The following TBC1D1 variants were observed in gnomAD, a reference collection of about 807,000 sequenced individuals.
TBC1D1 encodes TBC1 (tre-2/USP6, BUB2, cdc16) domain family, member 1.
In TBC1D1, 89 loss-of-function variants were observed where a neutral mutation model predicts 125.6. The ratio of observed to expected loss-of-function variants is 0.71; its 90% CI spans 0.60 to 0.85. TBC1D1 has a LOEUF of 0.85. Among genes scored for constraint, TBC1D1 ranks in the 40% least tolerant of loss-of-function variants. The pLI is 0.00. For synonymous variants in TBC1D1, 565 were observed against 564.1 expected (o/e 1.00, Z -0.02); for missense variants, 1,377 against 1,469.2 (o/e 0.94, Z 1.03).
intron 2 of TBC1D1, among the ~76,000 whole-genome samples, chr4:37,935,189 C>T (rs952634821): frequency 6.6e-6 from 1 of 152,204 alleles, no homozygotes; most frequent in African/African-American, 2.4e-5. Context: ...TAGTCCGCCA[C>T]ATGATTGCAC....
At chr4:38,053,424 G>A (rs1302941296) in intron 11 of TBC1D1, among the ~76,000 whole-genome samples, 199 bp downstream of exon 13, 2 of 152,146 alleles carry the variant, frequency 1.3e-5, no homozygotes, top group Admixed American at 6.5e-5. Flanking sequence ...TAGTTTTGAC[G>A]AGGATTAGTT....
chr4:37,903,157 C>T (rs771335704), intron 2 of TBC1D1, among the ~76,000 whole-genome samples: 6 of 151,862 alleles, frequency 4.0e-5, no homozygotes, highest in East Asian at 1.9e-4. Context: ...TTTTTTCTTT[C>T]GCAAACCTCA....
At chr4:38,074,635 C>G (rs1302615880) in intron 12 of TBC1D1, among the ~76,000 whole-genome samples, 1 of 152,176 alleles carries the variant, frequency 6.6e-6, no homozygotes, top group Non-Finnish European at 1.5e-5. Context: ...TCCCCTGTTT[C>G]TGTCTTGGGG....
intron 2 of TBC1D1, among the ~76,000 whole-genome samples, chr4:37,988,468 AG>A (rs969788103): frequency 6.6e-6 from 1 of 152,212 alleles, no homozygotes; most frequent in South Asian, 2.1e-4. Flanking sequence ...CATCCATTAA[AG>A]GGGGGATGAT....
intron 2 of TBC1D1, among the ~76,000 whole-genome samples, chr4:37,907,058 T>C (rs1717500725): frequency 6.6e-6 from 1 of 152,278 alleles, no homozygotes; most frequent in African/African-American, 2.4e-5. Context: ...AAAAAATATT[T>C]AGTAATAAGA....
intron 6 of TBC1D1, among the ~76,000 whole-genome samples, chr4:38,024,920 A>G (rs76728094): frequency 0.1 from 15,627 of 152,266 alleles, 994 homozygotes; most frequent in Non-Finnish European, 0.14. Context: ...CCCAGAATCT[A>G]TAAGATAGAA....
At chr4:37,945,672 C>G (rs1260061883) in intron 2 of TBC1D1, among the ~76,000 whole-genome samples, 3 of 151,702 alleles carry the variant, frequency 2.0e-5, no homozygotes, top group South Asian at 4.2e-4. Context: ...CTGCAGTATT[C>G]ATACACAGAA....
chr4:37,986,689 G>T (rs1267648946), intron 2 of TBC1D1, among the ~76,000 whole-genome samples: 1 of 152,074 alleles, frequency 6.6e-6, no homozygotes, highest in Non-Finnish European at 1.5e-5. Flanking sequence ...CAAGTGATCT[G>T]CCTGCCTCAA....
chr4:38,050,706 C>T (rs546721178), intron 11 of TBC1D1, among the ~76,000 whole-genome samples: 3 of 152,302 alleles, frequency 2.0e-5, no homozygotes, highest in South Asian at 2.1e-4. Flanking sequence ...GACCAGCAGC[C>T]GCAGAAGTCC....
At chr4:37,919,372 A>G (rs1488436828) in intron 2 of TBC1D1, among the ~76,000 whole-genome samples, 1 of 150,130 alleles carries the variant, frequency 6.7e-6, no homozygotes, top group Admixed American at 6.7e-5. Flanking sequence ...TTTAATATAG[A>G]CGAGGGTTTC....
At chr4:37,912,771 A>T (rs1408861796) in intron 2 of TBC1D1, among the ~76,000 whole-genome samples, 1 of 152,092 alleles carries the variant, frequency 6.6e-6, no homozygotes, top group Non-Finnish European at 1.5e-5. Flanking sequence ...GGGAGGAGAG[A>T]CTCAACTCTA....
intron 11 of TBC1D1, 89 bp from the exon 12 acceptor site, chr4:38,051,810 G>C (rs985004751): frequency 7.8e-7 from 1 of 1,279,344 alleles, no homozygotes; most frequent in Non-Finnish European, 1.1e-6. Flanking sequence ...AGACAAAAGC[G>C]GTGTGCTCCT....
chr4:37,897,121 G>A (rs1243559887), intron 1 of TBC1D1, among the ~76,000 whole-genome samples: 1 of 152,128 alleles, frequency 6.6e-6, no homozygotes, highest in Non-Finnish European at 1.5e-5. Context: ...GTTCTATTTG[G>A]GGCTTAAAGA....
At chr4:38,025,219 C>A (rs1422322267) in intron 6 of TBC1D1, among the ~76,000 whole-genome samples, 2 of 152,194 alleles carry the variant, frequency 1.3e-5, no homozygotes, top group Non-Finnish European at 2.9e-5. Context: ...ACCAGAGGAG[C>A]CAGGAGGGGT....
chr4:38,080,820 G>A (rs1319221821), intron 12 of TBC1D1, among the ~76,000 whole-genome samples: 1 of 152,172 alleles, frequency 6.6e-6, no homozygotes, highest in Non-Finnish European at 1.5e-5. Flanking sequence ...CTCCTTAGGG[G>A]TGGAGCTTGG....
chr4:37,974,252 A>T (rs1732603562), intron 2 of TBC1D1, among the ~76,000 whole-genome samples: 1 of 151,916 alleles, frequency 6.6e-6, no homozygotes, highest in African/African-American at 2.4e-5. Context: ...TTTTTTTGAG[A>T]CAGGGTCTTG....
At chr4:37,941,005 C>A (rs1189867097) in intron 2 of TBC1D1, among the ~76,000 whole-genome samples, 1 of 152,094 alleles carries the variant, frequency 6.6e-6, no homozygotes, top group Non-Finnish European at 1.5e-5. Flanking sequence ...TGTGTCTCTG[C>A]CAGGCTTTGG....
At chr4:37,955,405 C>A (rs1207661377) in intron 2 of TBC1D1, among the ~76,000 whole-genome samples, 1 of 152,158 alleles carries the variant, frequency 6.6e-6, no homozygotes, top group Non-Finnish European at 1.5e-5. Context: ...ATGCTCAAAC[C>A]CCCGATATAA....
intron 12 of TBC1D1, among the ~76,000 whole-genome samples, chr4:38,064,714 C>T (rs1187054592): frequency 1.3e-5 from 2 of 151,710 alleles, no homozygotes; most frequent in African/African-American, 4.8e-5. Flanking sequence ...ACCTCCACCT[C>T]CCAGGTTCAA....
Sources: gnomAD v4.1 joint callset for allele counts (sites outside exome capture counted in the v4.1 genomes callset) on GRCh38, gnomAD v4.1.1 for gene constraint, MANE v1.5 for transcripts, NCBI Gene and HGNC (gene_info 2026-07-23, HGNC 2026-07-21) for gene names.